Variants in TSEN15 observed in about 807,000 individuals in gnomAD.
The protein encoded by TSEN15 is tRNA splicing endonuclease subunit 15.
In TSEN15, 10 loss-of-function variants were observed where a neutral mutation model predicts 20.5. The ratio of observed to expected loss-of-function variants is 0.49; its 90% confidence interval spans 0.30 to 0.83. The LOEUF (loss-of-function observed/expected upper bound fraction) is 0.83. Among genes scored for constraint, TSEN15 ranks in the 40% least tolerant of loss-of-function variants. The pLI, the probability that TSEN15 is intolerant of heterozygous loss-of-function variation, is 0.06. For missense variants in TSEN15, 180 were observed against 218.6 expected, an observed-to-expected ratio of 0.82 and a Z score of 1.11; for synonymous variants, 72 against 80.1, an observed-to-expected ratio of 0.90 and a Z score of 0.54.
At chr1:184,067,870 C>G (rs1456772258) in intron 3 of TSEN15, among the ~76,000 whole-genome samples, 1 of 142,468 alleles carries the variant, frequency 7.0e-6, no homozygotes, top group East Asian at 2.0e-4. Context: ...TTGCAGTGAG[C>G]CAAGGTCACA....
exon 4 of TSEN15, chr1:184,096,178 G>A (rs1651446015): frequency 6.4e-6 from 1 of 155,070 alleles, no homozygotes; most frequent in African/African-American, 2.4e-5. Flanking sequence ...ATGATAATTT[G>A]TGTCAAGTAA....
At chr1:184,068,453 A>C (rs1650769915) in intron 3 of TSEN15, among the ~76,000 whole-genome samples, 1 of 152,164 alleles carries the variant, frequency 6.6e-6, no homozygotes, top group Non-Finnish European at 1.5e-5. Flanking sequence ...CTCTGCTAGA[A>C]ATCTGCTGCT....
At chr1:184,071,409 A>G (rs1650877499) in intron 3 of TSEN15, among the ~76,000 whole-genome samples, 1 of 152,032 alleles carries the variant, frequency 6.6e-6, no homozygotes, top group African/African-American at 2.4e-5. Flanking sequence ...TTAACTTTAT[A>G]AAAAGAAAAT....
exon 4 of TSEN15, chr1:184,095,874 G>A (rs1376149388): frequency 2.5e-6 from 1 of 397,522 alleles, no homozygotes; most frequent in Non-Finnish European, 4.4e-6. Flanking sequence ...TGTTATGACA[G>A]GCCTAGCAAA....
chr1:184,058,047 CATTT>C (rs1455288176), intron 3 of TSEN15: 1 of 335,082 alleles, frequency 3.0e-6, no homozygotes, highest in East Asian at 8.4e-5. Context: ...AATTAACCTG[CATTT>C]ATTCCTAAAA....
exon 4 of TSEN15, chr1:184,095,804 G>A (rs991176370): frequency 5.0e-5 from 20 of 398,402 alleles, no homozygotes; most frequent in African/African-American, 1.9e-4. Flanking sequence ...TGGATTTCTA[G>A]TGTCCAGAAC....
rs1202064615 is a variant in TSEN15, at chr1:184,073,980, G to T, written c.*1133G>T. Reference sequence around the variant, plus strand: ...AATGTACTTATTAAAAATTAGTAATGAATATTATTAAAAACATGAAAATAT... The same window carrying T: ...AATGTACTTATTAAAAATTAGTAATTAATATTATTAAAAACATGAAAATAT... On this transcript the variant is annotated 3_prime_UTR_variant, in exon 5 of 5. Coordinates refer to ENST00000645668, the MANE Select transcript of TSEN15 (RefSeq NM_052965.4). 6.6e-6 allele frequency: 1 copy of T among 152,038 alleles called. No individual in the cohort carries two copies. Among genetic ancestry groups the T allele is most frequent in the Non-Finnish European group, 1.5e-5 (1 of 67,998 alleles). The allele number at this position is 152,038 out of a possible 1,614,324, so 9.4% of individuals were successfully genotyped here.
At chr1:184,077,510 C>T (rs1174830630), downstream of TSEN15, among the ~76,000 whole-genome samples, 1 of 152,064 alleles carries the variant, frequency 6.6e-6, no homozygotes, top group East Asian at 1.9e-4. Context: ...GTGATTTTGA[C>T]TTTGAAGTCT....
exon 4 of TSEN15, chr1:184,095,979 C>T (rs1651442566): frequency 2.7e-6 from 1 of 371,582 alleles, no homozygotes; most frequent in Non-Finnish European, 4.8e-6. Flanking sequence ...ATGGCACTAT[C>T]AATAATTGCC....
Position 184,051,776 on chromosome 1 carries a change from C to T in TSEN15, c.21C>T (p.Ser7=). ...CCGGCATGGAGGAGCGCGGCGATTCCGAGCCGACCCCCGGCTGCAGCGGCC... is the reference window on the plus strand; with the variant it reads ...CCGGCATGGAGGAGCGCGGCGATTCTGAGCCGACCCCCGGCTGCAGCGGCC... MEERGD[S]EPTPGCSGLG... Residue 7 remains serine (S), a synonymous_variant, in exon 1 of 5, where the codon TCC becomes TCT. Transcript: ENST00000645668. 6.6e-7 allele frequency: 1 copy of T among 1,509,810 alleles called. No individual in the cohort carries two copies. Among genetic ancestry groups the T allele is most frequent in the Non-Finnish European group, 8.9e-7 (1 of 1,129,694 alleles). The allele number at this position is 1,509,810 out of a possible 1,614,324, so 93.5% of individuals were successfully genotyped here.
At chr1:184,088,099 G>A (rs1327964975) in intron 3 of TSEN15, among the ~76,000 whole-genome samples, 1 of 152,162 alleles carries the variant, frequency 6.6e-6, no homozygotes, top group Non-Finnish European at 1.5e-5. Context: ...AGCTGAGGAA[G>A]AAAGACCGGA....
intron 3 of TSEN15, among the ~76,000 whole-genome samples, chr1:184,089,478 G>GA (rs908431739): frequency 6.6e-6 from 1 of 152,088 alleles, no homozygotes; most frequent in Non-Finnish European, 1.5e-5. Flanking sequence ...AGACCATATG[G>GA]AAAATGGCAT....
Position 184,072,994 on chromosome 1 carries a change from A to G in TSEN15, c.*147A>G, listed in dbSNP as rs1650947615. 4.2e-6 allele frequency: 3 copies of G among 716,806 alleles called. No homozygotes were observed. The East Asian group carries it at 8.4e-5, about 20-fold the overall frequency. 44.4% of individuals were successfully genotyped at this position (716,806 alleles called of 1,614,324 possible). A position where few individuals can be genotyped will look rare whatever the true frequency, so the allele number is the denominator to read the frequency against. ...CCATAAGGTTTTCATTCTGAAGAGT[A>G]AAACTTCCCCAGGTAGAAGACTTTC... On this transcript the variant is annotated 3_prime_UTR_variant, in exon 5 of 5. Coordinates refer to ENST00000645668, the MANE Select transcript of TSEN15 (RefSeq NM_052965.4).
Position 184,054,367 on chromosome 1 carries a change from T to C in TSEN15, c.149T>C (p.Met50Thr), listed in dbSNP as rs1271596949. 1 of 1,586,472 alleles carries C rather than the reference T, an allele frequency of 6.3e-7. No homozygotes were observed. The highest frequency in any genetic ancestry group is 8.6e-7 in the Non-Finnish European group (1 of 1,160,224). The part of the protein sequence containing the change: ...MGTHPKYLEM[M>T]ELDIGDATQV... ...TTTAATTTTCAGTATCTAGAAATGA[T>C]GGAATTAGATATAGGAGATGCCACC... Residue 50 changes from methionine to threonine, a missense_variant, in exon 2 of 5, where the codon ATG becomes ACG. Physicochemically the swap from Met to Thr is moderately conservative, Grantham distance 81 (BLOSUM62 -1). Around this residue, in one of 3 missense-constraint regions of TSEN15, gnomAD observed 76 missense variants for 123.4 expected, o/e 0.62. Transcript: ENST00000645668.
At chr1:184,070,006 C>T (rs534270762) in intron 3 of TSEN15, among the ~76,000 whole-genome samples, 108 of 152,104 alleles carry the variant, frequency 7.1e-4, no homozygotes, top group African/African-American at 2.5e-3. Context: ...AGTGATTTCT[C>T]TCAACTCTGA....
At chr1:184,094,087 A>C (rs1651405077) in intron 3 of TSEN15, 1 of 152,028 alleles carries the variant, frequency 6.6e-6, no homozygotes, top group African/African-American at 2.4e-5. Flanking sequence ...AGGGTCGCTG[A>C]GCTATAGTCA....
chr1:184,083,230 C>T (rs1280804054), intron 3 of TSEN15, among the ~76,000 whole-genome samples: 1 of 152,128 alleles, frequency 6.6e-6, no homozygotes, highest in Non-Finnish European at 1.5e-5. Flanking sequence ...TCTGCCCTGT[C>T]CACTTTGTAC....
chr1:184,082,915 G>T (rs1353094414), intron 3 of TSEN15, among the ~76,000 whole-genome samples: 1 of 152,040 alleles, frequency 6.6e-6, no homozygotes, highest in East Asian at 1.9e-4. Flanking sequence ...CAGGGAACAA[G>T]AATTACTGAA....
In TSEN15 at chr1:184,054,358, T is replaced by G; in HGVS notation, c.140T>G (p.Leu47Arg). ...DAWMGTHPKY[L>R]EMMELDIGDA... ...CAATTATATTTTAATTTTCAGTATC[T>G]AGAAATGATGGAATTAGATATAGGA... The change falls in exon 2 of 5, where the codon CTA becomes CGA. Residue 47 changes from leucine to arginine, a missense_variant. Leu to Arg is a moderately radical substitution (Grantham distance 102). Around this residue, in one of 3 missense-constraint regions of TSEN15, gnomAD observed 76 missense variants for 123.4 expected, o/e 0.62. Transcript: ENST00000645668. 2 of 1,575,528 alleles carry G rather than the reference T, an allele frequency of 1.3e-6. No homozygotes were observed. The highest frequency in any genetic ancestry group is 1.7e-6 in the Non-Finnish European group (2 of 1,151,082).
Sources: allele counts gnomAD v4.1 joint callset (sites outside exome capture counted in the v4.1 genomes callset), GRCh38; gene constraint gnomAD v4.1.1; regional missense constraint gnomAD v4.1.1; transcripts MANE v1.5; gene names NCBI Gene and HGNC (gene_info 2026-07-23, HGNC 2026-07-21).